The following ABCA1 variants were observed in gnomAD, a reference collection of about 807,000 sequenced individuals.
The protein encoded by ABCA1 is phospholipid-transporting ATPase ABCA1.
In ABCA1, 133 loss-of-function variants were observed where a neutral mutation model predicts 262.5. That is an observed-to-expected ratio of 0.51 (90% CI 0.44 to 0.59). The LOEUF (loss-of-function observed/expected upper bound fraction) is 0.59, where lower values mean the gene tolerates loss of function less well. ABCA1 is among the 20% of genes least tolerant of loss of function. ABCA1 has a pLI of 0.00. For synonymous variants in ABCA1, 1,022 were observed against 1,043.5 expected, an observed-to-expected ratio of 0.98 and a Z score of 0.40; for missense variants, 2,452 against 2,777.5, an observed-to-expected ratio of 0.88 and a Z score of 2.63.
At chr9:104,858,161 T>A (rs1372982945) in intron 7 of ABCA1, among the ~76,000 whole-genome samples, 1 of 152,058 alleles carries the variant, frequency 6.6e-6, no homozygotes, top group Non-Finnish European at 1.5e-5. Context: ...CATCTTCCCA[T>A]CAATGGTTTC....
chr9:104,891,412 T>G (rs183357882), intron 2 of ABCA1, among the ~76,000 whole-genome samples: 302 of 143,084 alleles, frequency 2.1e-3, no homozygotes, highest in African/African-American at 7.4e-3. Context: ...ATACAAAATT[T>G]TAGTGAAACG....
At chr9:104,814,794 G>A (rs1208542510) in intron 25 of ABCA1, among the ~76,000 whole-genome samples, 4 of 152,148 alleles carry the variant, frequency 2.6e-5, no homozygotes, top group Non-Finnish European at 5.9e-5. Context: ...TCTGGAGCTC[G>A]AGACCAGCCT....
At chr9:104,831,350 TG>T (rs1564148259) in intron 13 of ABCA1, among the ~76,000 whole-genome samples, 1 of 151,930 alleles carries the variant, frequency 6.6e-6, no homozygotes, top group Non-Finnish European at 1.5e-5. Flanking sequence ...CCCGAGTAGC[TG>T]GGATTACAGG....
At chr9:104,819,279 T>G (rs924341932) in intron 22 of ABCA1, among the ~76,000 whole-genome samples, 4 of 152,214 alleles carry the variant, frequency 2.6e-5, no homozygotes, top group African/African-American at 9.6e-5. Context: ...CTCCTCATAC[T>G]GTACCACATC....
Position 104,818,849 on chromosome 9 carries a change from A to G in ABCA1, c.3276T>C (p.Asp1092=), listed in dbSNP as rs2118961906. The change falls in exon 23 of 50, where the codon GAT becomes GAC. Residue 1092 remains aspartate (D), a synonymous_variant. Coordinates refer to ENST00000374736, the MANE Select transcript of ABCA1 (RefSeq NM_005502.4). The part of the protein sequence containing the change: ...RTIILSTHHM[D]EADVLGDRIA... ...TCCTGTCCCCCAGGACGTCCGCTTC[A>G]TCCATGTGGTGTGTAGAGAGAATAA... 2 of 1,613,958 alleles carry G rather than the reference A, an allele frequency of 1.2e-6. No individual in the cohort carries two copies. The highest frequency in any genetic ancestry group is 1.7e-6 in the Non-Finnish European group (2 of 1,180,028).
In ABCA1 at chr9:104,827,231, A is replaced by T; in HGVS notation, c.2116-62T>A. On this transcript the variant is annotated intron_variant, in intron 15 of 49. Coordinates refer to ENST00000374736, the MANE Select transcript of ABCA1 (RefSeq NM_005502.4). Reference sequence around the variant, plus strand: ...ACAATCCCAAGCACTCACTTGTATGATCTACAGAAAAAAGACAGGGTTTAT... The same window carrying T: ...ACAATCCCAAGCACTCACTTGTATGTTCTACAGAAAAAAGACAGGGTTTAT... 3 of 1,392,660 alleles carry T rather than the reference A, an allele frequency of 2.2e-6. No homozygotes were observed. The South Asian group carries it at 3.6e-5, about 17-fold the overall frequency. The allele number at this position is 1,392,660 out of a possible 1,614,324, so 86.3% of individuals were successfully genotyped here.
intron 14 of ABCA1, among the ~76,000 whole-genome samples, chr9:104,830,508 G>A (rs986941094): frequency 1.3e-5 from 2 of 152,120 alleles, no homozygotes; most frequent in African/African-American, 4.8e-5. Flanking sequence ...TGGGTAACAT[G>A]GTGAAACCTC....
chr9:104,824,979 A>G (rs2118985221), intron 17 of ABCA1, among the ~76,000 whole-genome samples: 1 of 152,388 alleles, frequency 6.6e-6, no homozygotes, highest in African/African-American at 2.4e-5. Flanking sequence ...GAGGATCAGA[A>G]GGTGAACCAA....
chr9:104,873,700 TATG>T (rs534225835), intron 5 of ABCA1, among the ~76,000 whole-genome samples: 1 of 152,224 alleles, frequency 6.6e-6, no homozygotes, highest in Non-Finnish European at 1.5e-5. Context: ...CCCTGCATTT[TATG>T]ATGATTGTAA....
chr9:104,919,388 G>T (rs1447943868), intron 1 of ABCA1, among the ~76,000 whole-genome samples: 2 of 152,110 alleles, frequency 1.3e-5, no homozygotes, highest in Non-Finnish European at 2.9e-5. Context: ...AAGGTGGGCA[G>T]ATCACAAGGT....
At chr9:104,854,739 AGTT>A (rs1382926402) in intron 7 of ABCA1, among the ~76,000 whole-genome samples, 3 of 152,364 alleles carry the variant, frequency 2.0e-5, no homozygotes, top group East Asian at 3.9e-4. Flanking sequence ...TCCTCCTAGA[AGTT>A]GTTAACTCAA....
intron 5 of ABCA1, among the ~76,000 whole-genome samples, chr9:104,882,038 A>C (rs1329239075): frequency 0.06 from 8,170 of 135,526 alleles, 818 homozygotes; most frequent in African/African-American, 0.14. Flanking sequence ...TAAAAAAAAA[A>C]AAAAAAAAAA....
In ABCA1 at chr9:104,791,944, G is replaced by A; in HGVS notation, c.5812C>T (p.Pro1938Ser). 1 of 1,613,486 alleles carries A rather than the reference G, an allele frequency of 6.2e-7. No individual in the cohort carries two copies. Among genetic ancestry groups the A allele is most frequent in the Non-Finnish European group, 8.5e-7 (1 of 1,179,698 alleles). ...AGACAAAGTGTCTTTACCTCACCAG[G>A]AGGAATGCCCACGCAAATCCTGTCA... ...AVDRICVGIP[P>S]GECFGLLGVN... Residue 1938 changes from proline (P) to serine (S), a missense_variant, in exon 43 of 50, where the codon CCT (proline) becomes TCT (serine). Pro to Ser is a moderately conservative substitution (Grantham distance 74, BLOSUM62 -1). This residue lies in a region of ABCA1 where 752 missense variants were observed against 944.5 expected (regional missense o/e 0.80). Coordinates refer to ENST00000374736, the MANE Select transcript of ABCA1 (RefSeq NM_005502.4).
chr9:104,897,230 G>A lies in ABCA1; in HGVS notation c.66+6384C>T, dbSNP rs556851468. On this transcript the variant is annotated intron_variant, in intron 2 of 49. Coordinates refer to ENST00000374736, the MANE Select transcript of ABCA1 (RefSeq NM_005502.4). Reference sequence around the variant, plus strand: ...ATCACATCAGAAAAATGCTAGAGAGGGGAAATGATTTTTAAAACCAGGCCT... The same window carrying A: ...ATCACATCAGAAAAATGCTAGAGAGAGGAAATGATTTTTAAAACCAGGCCT... Among the ~76,000 whole-genome samples the A allele has an allele frequency of 5.3e-5, 8 of 152,078 alleles. No individual in the cohort carries two copies. In the South Asian group the frequency reaches 1.2e-3, roughly 24 times the overall value.
intron 9 of ABCA1, among the ~76,000 whole-genome samples, chr9:104,839,059 C>A (rs918278835): frequency 6.6e-6 from 1 of 152,102 alleles, no homozygotes; most frequent in Non-Finnish European, 1.5e-5. Context: ...GAAAGACACA[C>A]CTGTGGTTGG....
Position 104,817,929 on chromosome 9 carries a change from G to C in ABCA1, c.3463-525C>G, listed in dbSNP as rs9299383. ...AATAAGTGGATAGGAGTTTCAGGTT[G>C]GGATGTAAATACATTAGGTACCACT... On this transcript the variant is annotated intron_variant, in intron 23 of 49. Coordinates refer to ENST00000374736, the MANE Select transcript of ABCA1 (RefSeq NM_005502.4). This position sits in a 1 kb window ranked among gnomAD's most constrained non-coding sequence, Gnocchi z 4.7. Among the ~76,000 whole-genome samples, 4,974 of 152,238 alleles carry C rather than the reference G, an allele frequency of 0.033. 138 individuals carry two copies. Among genetic ancestry groups the C allele is most frequent in the African/African-American group, 0.07 (2,915 of 41,524 alleles).
intron 14 of ABCA1, 45 bp downstream of exon 14, chr9:104,830,880 G>A (rs1833238169): frequency 1.9e-6 from 3 of 1,602,478 alleles, no homozygotes; most frequent in Non-Finnish European, 2.6e-6. Flanking sequence ...CCCCCATCTG[G>A]CACAGTATAA....
At chr9:104,788,658 C>G in intron 44 of ABCA1, 91 bp from the exon 45 acceptor site, 1 of 1,462,684 alleles carries the variant, frequency 6.8e-7, no homozygotes, top group East Asian at 2.3e-5. Context: ...AAGTATGCTT[C>G]TCCATTACAA....
intron 2 of ABCA1, among the ~76,000 whole-genome samples, chr9:104,893,667 C>T (rs2118084): frequency 6.6e-6 from 1 of 152,050 alleles, no homozygotes; most frequent in East Asian, 1.9e-4. Flanking sequence ...AGATAGGAAA[C>T]ATTATTGTCT....
Sources: gnomAD v4.1 joint callset for allele counts (sites outside exome capture counted in the v4.1 genomes callset) on GRCh38, gnomAD v4.1.1 for gene constraint, gnomAD v4.1.1 regional missense constraint, Gnocchi (gnomAD v3.1) non-coding constraint, MANE v1.5 for transcripts, NCBI Gene and HGNC (gene_info 2026-07-23, HGNC 2026-07-21) for gene names.